Variants in LONP1 observed in about 807,000 individuals in gnomAD.
LONP1 encodes the protein lon protease homolog, mitochondrial.
LONP1 carries 31 observed loss-of-function variants against 98.5 expected under a neutral mutation model. The ratio of observed to expected loss-of-function variants is 0.31; its 90% confidence interval spans 0.24 to 0.42. The LOEUF (loss-of-function observed/expected upper bound fraction) is 0.42, where lower values mean the gene tolerates loss of function less well. Among genes scored for constraint, LONP1 ranks in the 20% least tolerant of loss-of-function variants. LONP1 has a pLI of 1.00. For synonymous variants in LONP1, 781 were observed against 594.7 expected, an observed-to-expected ratio of 1.31 and a Z score of -4.56; for missense variants, 1,336 against 1,350.6, an observed-to-expected ratio of 0.99 and a Z score of 0.17.
intron 4 of LONP1, among the ~76,000 whole-genome samples, chr19:5,710,234 G>A (rs898700821): frequency 2.0e-4 from 30 of 151,656 alleles, no homozygotes; most frequent in African/African-American, 6.5e-4. Context: ...ACAGGCATAA[G>A]CCACCACACC....
At chr19:5,692,823 C>T (rs867194638) in intron 17 of LONP1, among the ~76,000 whole-genome samples, 40 of 152,236 alleles carry the variant, frequency 2.6e-4, no homozygotes, top group Admixed American at 7.8e-4. Context: ...GGTGGCATCT[C>T]CTGACTGACT....
chr19:5,712,098 C>T (rs1360659177), intron 3 of LONP1, 96 bp from the exon 4 acceptor site: 4 of 1,018,198 alleles, frequency 3.9e-6, no homozygotes, highest in Admixed American at 2.5e-5. Flanking sequence ...CCAAGGGTCC[C>T]GCTGAGCCCA....
intron 1 of LONP1, among the ~76,000 whole-genome samples, chr19:5,716,259 C>CATATATATATATATATATATATATATAT (rs3082272): frequency 1.3e-5 from 1 of 77,220 alleles, no homozygotes; most frequent in Non-Finnish European, 2.3e-5. Flanking sequence ...TTAAAATATA[C>CATATATATATATATATATATATATATAT]ATATATATAT....
chr19:5,700,744 G>C (rs200001223), intron 9 of LONP1, 45 bp downstream of exon 9: 4 of 1,609,032 alleles, frequency 2.5e-6, no homozygotes, highest in African/African-American at 1.3e-5. Context: ...TCCTGGGCCC[G>C]GGCACCCACA....
At position 5,719,967 on chromosome 19, in the gene LONP1, C is replaced by G. The variant is rs911513611; in HGVS notation, c.166G>C (p.Gly56Arg). The G allele has an allele frequency of 2.5e-6, 4 of 1,578,464 alleles. No homozygotes were observed. The highest frequency in any genetic ancestry group is 3.4e-6 in the Non-Finnish European group (4 of 1,164,150). Reference protein sequence around the residue: ...CDASPPWALWGRGPAIGGQWR... With the variant: ...CDASPPWALWRRGPAIGGQWR... ...TGGCCCCCAATTGCCGGGCCTCGGC[C>G]CCACAGTGCCCAAGGAGGAGAGGCG... The change falls in exon 1 of 18, where the codon GGC (glycine) becomes CGC (arginine). Residue 56 changes from glycine to arginine, a missense_variant. Coordinates refer to ENST00000360614, the MANE Select transcript of LONP1 (RefSeq NM_004793.4).
rs1491513344 is a variant in LONP1 at position 5,692,827 on chromosome 19, ACT to A, written c.2703+469_2703+470del. Among the ~76,000 whole-genome samples the A allele has an allele frequency of 7.3e-5, 11 of 151,594 alleles. No homozygotes were observed. The East Asian group carries it at 1.6e-3, about 21-fold the overall frequency. On this transcript the variant is annotated intron_variant, in intron 17 of 17. Transcript: ENST00000360614. ...GCCTCCCTCGTGGTGGCATCTCCTGACTGACTGCACCAGGCTTCCTAGACACA... is the reference window on the plus strand; with the variant it reads ...GCCTCCCTCGTGGTGGCATCTCCTGAGACTGCACCAGGCTTCCTAGACACA...
At position 5,720,122 on chromosome 19, in the gene LONP1, C is replaced by A. The variant is rs747472062; in HGVS notation, c.11G>T (p.Ser4Ile). 4 of 1,427,990 alleles carry A rather than the reference C, an allele frequency of 2.8e-6. No individual in the cohort carries two copies. The highest frequency in any genetic ancestry group is 3.6e-6 in the Non-Finnish European group (4 of 1,099,602). The allele number at this position is 1,427,990 out of a possible 1,614,324, so 88.5% of individuals were successfully genotyped here. A position where few individuals can be genotyped will look rare whatever the true frequency, so the allele number is the denominator to read the frequency against. Residue 4 changes from serine to isoleucine, a missense_variant, in exon 1 of 18, where the codon AGC becomes ATC. Physicochemically the swap from Ser to Ile is moderately radical, Grantham distance 142. Transcript: ENST00000360614. MAA[S>I]TGYVRLWGAA... is the part of the protein sequence containing the mutation. The stretch of plus-strand genomic sequence containing the variant: ...TCCCCACAGTCGCACGTAGCCAGTG[C>A]TCGCCGCCATAGCCCGGCCATACTG...
intron 1 of LONP1, chr19:5,717,601 T>C (rs2055342955): frequency 6.6e-6 from 1 of 152,140 alleles, no homozygotes; most frequent in South Asian, 2.1e-4. Flanking sequence ...ATGAACACCA[T>C]CCTGGGCCCA....
At position 5,707,147 on chromosome 19, in the gene LONP1, C is replaced by A. The variant is rs1189488478; in HGVS notation, c.1063-4G>T. ...CCTTGTACAGCCGCTTAGGAATCTG[C>A]CGAGACAGGGAGGACAGAAAGGATG... is the stretch of plus-strand genomic sequence containing the variant. On this transcript the variant is annotated splice_region_variant and splice_polypyrimidine_tract_variant and intron_variant, in intron 6 of 17. Transcript: ENST00000360614. 1 of 1,612,032 alleles carries A rather than the reference C, an allele frequency of 6.2e-7. No individual in the cohort carries two copies. The highest frequency in any genetic ancestry group is 2.2e-5 in the East Asian group (1 of 44,876).
intron 4 of LONP1, among the ~76,000 whole-genome samples, chr19:5,710,991 A>C (rs1356205375): frequency 1.3e-5 from 2 of 151,298 alleles, no homozygotes; most frequent in African/African-American, 4.9e-5. Flanking sequence ...GTTCCATTGC[A>C]CTCCAGCCTG....
At chr19:5,692,806 C>T (rs530272719) in intron 17 of LONP1, among the ~76,000 whole-genome samples, 1 of 152,278 alleles carries the variant, frequency 6.6e-6, no homozygotes, top group African/African-American at 2.4e-5. Flanking sequence ...GACCATGCCT[C>T]CCTCGTGGTG....
chr19:5,694,283 C>T, intron 15 of LONP1, 104 bp downstream of exon 15: 1 of 1,479,550 alleles, frequency 6.8e-7, no homozygotes, highest in Non-Finnish European at 9.1e-7. Context: ...AGAGGCCGTT[C>T]AGAGCCACCT....
At chr19:5,695,452 G>A (rs1004378994) in intron 13 of LONP1, among the ~76,000 whole-genome samples, 3 of 152,128 alleles carry the variant, frequency 2.0e-5, no homozygotes, top group Non-Finnish European at 4.4e-5. Flanking sequence ...CCTGTCCCCA[G>A]GAACTACAGG....
intron 9 of LONP1, 115 bp downstream of exon 9, chr19:5,700,674 C>T: frequency 7.0e-7 from 1 of 1,430,194 alleles, no homozygotes. Context: ...GACCAGCACC[C>T]CCAGGCCTAC....
intron 11 of LONP1, 131 bp downstream of exon 11, chr19:5,696,539 C>A (rs372051130): frequency 2.3e-6 from 3 of 1,283,186 alleles, no homozygotes; most frequent in African/African-American, 1.5e-5. Context: ...GGGACCCGTC[C>A]GTGCCATCAG....
chr19:5,713,262 G>C lies in LONP1; in HGVS notation c.519-9C>G, dbSNP rs754446320. 6 of 1,604,882 alleles carry C rather than the reference G, an allele frequency of 3.7e-6. No individual in the cohort carries two copies. The African/African-American group carries it at 8.0e-5, about 22-fold the overall frequency. Reference sequence around the variant, plus strand: ...CCACATCCGACTCATTGCTGTGGGAGAAGAGCACAGAGGAATGTTGGAACA... The same window carrying C: ...CCACATCCGACTCATTGCTGTGGGACAAGAGCACAGAGGAATGTTGGAACA... On this transcript the variant is annotated splice_polypyrimidine_tract_variant and intron_variant, in intron 2 of 17. Transcript: ENST00000360614.
intron 8 of LONP1, among the ~76,000 whole-genome samples, chr19:5,703,430 G>A (rs1334566221): frequency 1.3e-5 from 2 of 151,948 alleles, no homozygotes; most frequent in Non-Finnish European, 2.9e-5. Context: ...AGGTTGGGAG[G>A]GCAACTCCAT....
chr19:5,696,666 G>T lies in LONP1; in HGVS notation c.1773+4C>A, dbSNP rs370718882. 5 of 1,612,624 alleles carry T rather than the reference G, an allele frequency of 3.1e-6. No individual in the cohort carries two copies. Among genetic ancestry groups the T allele is most frequent in the Non-Finnish European group, 4.2e-6 (5 of 1,179,322 alleles). On this transcript the variant is annotated splice_donor_region_variant and intron_variant, in intron 11 of 17. Coordinates refer to ENST00000360614, the MANE Select transcript of LONP1 (RefSeq NM_004793.4). ...AGGGGGTCTCCGGGCCTCTCCGCACGCACCTCGTCGATGAGGATCAGGGGG... is the reference window on the plus strand; with the variant it reads ...AGGGGGTCTCCGGGCCTCTCCGCACTCACCTCGTCGATGAGGATCAGGGGG...
intron 1 of LONP1, among the ~76,000 whole-genome samples, chr19:5,716,305 T>C (rs1294833018): frequency 7.5e-6 from 1 of 132,662 alleles, no homozygotes; most frequent in Non-Finnish European, 1.6e-5. Context: ...TATATAGTAA[T>C]GGCCCTCAAA....
Sources: gnomAD v4.1 joint callset for allele counts (sites outside exome capture counted in the v4.1 genomes callset) on GRCh38, gnomAD v4.1.1 for gene constraint, MANE v1.5 for transcripts, NCBI Gene and HGNC (gene_info 2026-07-23, HGNC 2026-07-21) for gene names.